The following RSPO3 variants were observed in gnomAD, a reference collection of about 807,000 sequenced individuals.
The protein encoded by RSPO3 is R-spondin-3.
A neutral mutation model predicts 36.5 loss-of-function variants in RSPO3; 17 were observed. That is an observed-to-expected ratio of 0.47 (90% CI 0.32 to 0.70). The LOEUF is 0.70. Ranked by LOEUF, RSPO3 falls within the 30% of genes least tolerant of loss-of-function variation. RSPO3 has a pLI of 0.04. For synonymous variants in RSPO3, 108 were observed against 107.0 expected, an observed-to-expected ratio of 1.01 and a Z score of -0.06; for missense variants, 294 against 322.5, an observed-to-expected ratio of 0.91 and a Z score of 0.68.
At chr6:127,125,123 TA>T (rs1358787013) in intron 1 of RSPO3, among the ~76,000 whole-genome samples, 1 of 152,154 alleles carries the variant, frequency 6.6e-6, no homozygotes, top group African/African-American at 2.4e-5. Context: ...CTGCTGTAGC[TA>T]AAATTTTTCT....
chr6:127,120,822 G>T (rs1014483669), intron 1 of RSPO3, among the ~76,000 whole-genome samples: 1 of 152,244 alleles, frequency 6.6e-6, no homozygotes, highest in Non-Finnish European at 1.5e-5. Flanking sequence ...ATATGTCAGG[G>T]CATCCGATTT....
chr6:127,198,149 T>G lies in RSPO3; in HGVS notation c.*2142T>G, dbSNP rs977143632. Among the ~76,000 whole-genome samples the G allele has an allele frequency of 1.3e-5, 2 of 152,366 alleles. No individual in the cohort carries two copies. The highest frequency in any genetic ancestry group is 2.1e-4 in the South Asian group (1 of 4,832). On this transcript the variant is annotated 3_prime_UTR_variant, in exon 5 of 5. Transcript: ENST00000356698. Reference sequence around the variant, plus strand: ...ACCAGGACATGACAATGGTGGCAAATGACTATCAGGTCTTCCCATGTGTTT... The same window carrying G: ...ACCAGGACATGACAATGGTGGCAAAGGACTATCAGGTCTTCCCATGTGTTT...
chr6:127,194,130 C>A (rs78445419), intron 4 of RSPO3, among the ~76,000 whole-genome samples: 4,297 of 152,164 alleles, frequency 0.028, 120 homozygotes, highest in Middle Eastern at 0.12. Context: ...TCCAAGGAGA[C>A]CGTATTGGCG....
At chr6:127,141,152 A>C (rs1031991512) in intron 1 of RSPO3, among the ~76,000 whole-genome samples, 1 of 152,208 alleles carries the variant, frequency 6.6e-6, no homozygotes, top group Non-Finnish European at 1.5e-5. Context: ...TGTTGAGCAC[A>C]CTGTGGGTGA....
chr6:127,156,927 C>T (rs1435470112), intron 4 of RSPO3, among the ~76,000 whole-genome samples: 2 of 152,084 alleles, frequency 1.3e-5, no homozygotes, highest in Non-Finnish European at 2.9e-5. Flanking sequence ...TTGGCCATCA[C>T]TAAAAGCTAT....
chr6:127,185,779 T>A (rs929616345), intron 4 of RSPO3, among the ~76,000 whole-genome samples: 1 of 152,084 alleles, frequency 6.6e-6, no homozygotes, highest in Non-Finnish European at 1.5e-5. Flanking sequence ...CACAGTCAAC[T>A]AGTGCATAAC....
chr6:127,170,438 C>A (rs1774913424), intron 4 of RSPO3, among the ~76,000 whole-genome samples: 1 of 151,240 alleles, frequency 6.6e-6, no homozygotes, highest in Admixed American at 6.6e-5. Flanking sequence ...CACACATACA[C>A]ACACACACAC....
intron 1 of RSPO3, among the ~76,000 whole-genome samples, chr6:127,138,077 TA>T (rs1774197045): frequency 6.6e-6 from 1 of 152,168 alleles, no homozygotes; most frequent in South Asian, 2.1e-4. Flanking sequence ...TCAATGCAGT[TA>T]CCTAAATCCA....
At chr6:127,169,828 C>T (rs1192757834) in intron 4 of RSPO3, among the ~76,000 whole-genome samples, 2 of 150,390 alleles carry the variant, frequency 1.3e-5, no homozygotes, top group Non-Finnish European at 3.0e-5. Context: ...TATCACCATA[C>T]TAACTGTGCT....
intron 4 of RSPO3, among the ~76,000 whole-genome samples, chr6:127,159,141 G>A (rs1582800073): frequency 6.6e-6 from 1 of 152,058 alleles, no homozygotes; most frequent in East Asian, 1.9e-4. Context: ...GTGTGCACCT[G>A]CATTTGATGC....
chr6:127,177,923 G>A (rs1775088602), intron 4 of RSPO3, among the ~76,000 whole-genome samples: 1 of 151,542 alleles, frequency 6.6e-6, no homozygotes, highest in Non-Finnish European at 1.5e-5. Flanking sequence ...AGAGAATGGT[G>A]AAATAACTTT....
At chr6:127,166,892 T>C (rs1435174917) in intron 4 of RSPO3, among the ~76,000 whole-genome samples, 1 of 151,972 alleles carries the variant, frequency 6.6e-6, no homozygotes. Flanking sequence ...AAGGCTAATC[T>C]CATGTTTAGA....
intron 4 of RSPO3, among the ~76,000 whole-genome samples, chr6:127,164,859 GTTGTT>G (rs1562248852): frequency 6.6e-6 from 1 of 152,056 alleles, no homozygotes; most frequent in East Asian, 1.9e-4. Context: ...CTTGCAAATG[GTTGTT>G]TTGTTTACTT....
In RSPO3 at chr6:127,148,792, C is replaced by G; in HGVS notation, c.242C>G (p.Pro81Arg). Reference sequence around the variant, plus strand: ...ATTGGAGTATGTCTCTCTTCATGTCCAAGTGGATATTATGGAACTCGATAT... The same window carrying G: ...ATTGGAGTATGTCTCTCTTCATGTCGAAGTGGATATTATGGAACTCGATAT... ...KQIGVCLSSC[P>R]SGYYGTRYPD... Residue 81 changes from proline (P) to arginine (R), a missense_variant, in exon 2 of 5, where the codon CCA (proline) becomes CGA (arginine). Physicochemically the swap from Pro to Arg is moderately radical, Grantham distance 103. Around this residue, in one of 3 missense-constraint regions of RSPO3, gnomAD observed 43 missense variants for 86.0 expected, o/e 0.50. Transcript: ENST00000356698. 5 of 1,612,652 alleles carry G rather than the reference C, an allele frequency of 3.1e-6. No individual in the cohort carries two copies. The highest frequency in any genetic ancestry group is 4.2e-6 in the Non-Finnish European group (5 of 1,179,060).
Position 127,199,097 on chromosome 6 carries a change from T to C in RSPO3, c.*3090T>C, listed in dbSNP as rs945152529. 6.6e-6 allele frequency among the ~76,000 whole-genome samples: 1 copy of C among 152,206 alleles called. No individual in the cohort carries two copies. The highest frequency in any genetic ancestry group is 6.5e-5 in the Admixed American group (1 of 15,280). ...ACAGCAAAGAAAATGGAAAGTGCACTGGTGCTAGCGTTAGACAGCTTGTGT... is the reference window on the plus strand; with the variant it reads ...ACAGCAAAGAAAATGGAAAGTGCACCGGTGCTAGCGTTAGACAGCTTGTGT... On this transcript the variant is annotated 3_prime_UTR_variant, in exon 5 of 5. Coordinates refer to ENST00000356698, the MANE Select transcript of RSPO3 (RefSeq NM_032784.5).
At chr6:127,192,770 G>GTGTGTGTATATATATA (rs1271951863) in intron 4 of RSPO3, 2 of 711,254 alleles carry the variant, frequency 2.8e-6, no homozygotes, top group Admixed American at 1.3e-4. Context: ...AAGCACACGT[G>GTGTGTGTATATATATA]TGTGTGTATA....
rs989004927 is a variant in RSPO3, at chr6:127,180,513, A to G, written c.635-15310A>G. Reference sequence around the variant, plus strand: ...AAAAAAAAAAAAAAAAAAAAAAAAAAAACCACCAGATCTTTGCAAAAATCA... The same window carrying G: ...AAAAAAAAAAAAAAAAAAAAAAAAAGAACCACCAGATCTTTGCAAAAATCA... On this transcript the variant is annotated intron_variant, in intron 4 of 4. Transcript: ENST00000356698. Among the ~76,000 whole-genome samples the G allele has an allele frequency of 2.0e-5, 3 of 150,358 alleles. No individual in the cohort carries two copies. In the South Asian group the frequency reaches 6.3e-4, roughly 31 times the overall value.
At chr6:127,128,445 C>T (rs756631051) in intron 1 of RSPO3, among the ~76,000 whole-genome samples, 3 of 152,018 alleles carry the variant, frequency 2.0e-5, no homozygotes, top group Non-Finnish European at 4.4e-5. Context: ...ACCTGAATAT[C>T]TACATTGTTT....
At chr6:127,131,722 T>C (rs1341494886) in intron 1 of RSPO3, among the ~76,000 whole-genome samples, 2 of 152,092 alleles carry the variant, frequency 1.3e-5, no homozygotes, top group Admixed American at 6.6e-5. Flanking sequence ...GATGTCAGTT[T>C]TCCCCCCACT....
Sources: allele counts gnomAD v4.1 joint callset (sites outside exome capture counted in the v4.1 genomes callset), GRCh38; gene constraint gnomAD v4.1.1; regional missense constraint gnomAD v4.1.1; transcripts MANE v1.5; gene names NCBI Gene and HGNC (gene_info 2026-07-23, HGNC 2026-07-21).